Variants in DTNA observed in about 807,000 individuals in gnomAD.
The protein encoded by DTNA is dystrobrevin alpha.
A neutral mutation model predicts 100.7 loss-of-function variants in DTNA; 43 were observed. That is an observed-to-expected ratio of 0.43 (90% CI 0.33 to 0.55). The LOEUF (loss-of-function observed/expected upper bound fraction) is 0.55. DTNA is among the 20% of genes least tolerant of loss of function. The pLI, the probability that DTNA is intolerant of heterozygous loss-of-function variation, is 0.04. For synonymous variants in DTNA, 349 were observed against 347.9 expected (o/e 1.00, Z -0.04); for missense variants, 798 against 953.9 (o/e 0.84, Z 2.15).
intron 1 of DTNA, among the ~76,000 whole-genome samples, chr18:34,640,234 C>T (rs1214343175): frequency 1.3e-5 from 2 of 152,198 alleles, no homozygotes; most frequent in Non-Finnish European, 2.9e-5. Flanking sequence ...CCTCTCTCAG[C>T]AACAGCTATG....
chr18:34,855,068 T>A (rs1327214096), intron 15 of DTNA, among the ~76,000 whole-genome samples: 1 of 152,184 alleles, frequency 6.6e-6, no homozygotes, highest in African/African-American at 2.4e-5. Flanking sequence ...GGTGAGTTTT[T>A]AGGACATTTC....
chr18:34,682,260 C>T (rs997311945), intron 1 of DTNA, among the ~76,000 whole-genome samples: 4 of 152,172 alleles, frequency 2.6e-5, no homozygotes, highest in African/African-American at 7.2e-5. Context: ...CTGCTATAAA[C>T]ATCATATGTA....
intron 1 of DTNA, among the ~76,000 whole-genome samples, chr18:34,599,827 G>A (rs541329200): frequency 4.6e-5 from 7 of 152,118 alleles, no homozygotes; most frequent in South Asian, 2.1e-4. Context: ...ACAGGCACCC[G>A]CCACCACGCC....
intron 1 of DTNA, among the ~76,000 whole-genome samples, chr18:34,611,852 T>A (rs2054271371): frequency 6.6e-6 from 1 of 152,202 alleles, no homozygotes; most frequent in Non-Finnish European, 1.5e-5. Flanking sequence ...AAGACTCCGC[T>A]GGCAGAGGGG....
chr18:34,698,523 C>G (rs185942505), intron 1 of DTNA, among the ~76,000 whole-genome samples: 98 of 152,290 alleles, frequency 6.4e-4, no homozygotes, highest in Admixed American at 1.1e-3. Flanking sequence ...ACATTCTCTC[C>G]TCTTCTTATA....
chr18:34,604,076 G>A (rs766162236), intron 1 of DTNA, among the ~76,000 whole-genome samples: 4 of 152,104 alleles, frequency 2.6e-5, no homozygotes, highest in Non-Finnish European at 5.9e-5. Context: ...TTAAAATGAA[G>A]CAATTGTTCC....
chr18:34,731,796 T>G (rs988304601), intron 1 of DTNA, among the ~76,000 whole-genome samples: 3 of 152,242 alleles, frequency 2.0e-5, no homozygotes, highest in Non-Finnish European at 4.4e-5. Context: ...AACTCTTTAT[T>G]GTATTAATGA....
chr18:34,513,499 T>C (rs766185094), intron 1 of DTNA: 1 of 152,176 alleles, frequency 6.6e-6, no homozygotes, highest in Non-Finnish European at 1.5e-5. Flanking sequence ...AATGATTTGC[T>C]CTAAATTCTC....
At chr18:34,681,727 CA>C (rs2078147823) in intron 1 of DTNA, among the ~76,000 whole-genome samples, 15 of 150,068 alleles carry the variant, frequency 1.0e-4, no homozygotes, top group East Asian at 3.9e-4. Context: ...CACACACACA[CA>C]CACCCCACAC....
chr18:34,695,686 T>C (rs931695456), intron 1 of DTNA, among the ~76,000 whole-genome samples: 2 of 152,188 alleles, frequency 1.3e-5, no homozygotes, highest in Non-Finnish European at 2.9e-5. Context: ...AATTAGCGTT[T>C]AACATAATGT....
In DTNA at chr18:34,851,244, G is replaced by GGT. The variant is rs1373987732; in HGVS notation, c.1435-581_1435-580dup. 2.6e-5 allele frequency among the ~76,000 whole-genome samples: 4 copies of GGT among 152,132 alleles called. No homozygotes were observed. In the East Asian group the frequency reaches 7.7e-4, roughly 29 times the overall value. On this transcript the variant is annotated intron_variant, in intron 14 of 22. Transcript: ENST00000444659. ...AGCCCCCCTAGTAGCTGGTATTACAGGTGTGTGCCACCAGGCCCAACTAAT... is the reference window on the plus strand; with the variant it reads ...AGCCCCCCTAGTAGCTGGTATTACAGGTGTGTGTGCCACCAGGCCCAACTAAT...
chr18:34,546,773 TATCTC>T (rs574094319), intron 1 of DTNA, among the ~76,000 whole-genome samples: 2,296 of 151,976 alleles, frequency 0.015, 52 homozygotes, highest in African/African-American at 0.053. Context: ...CTTTTTTTTT[TATCTC>T]AGCTCACTGC....
At chr18:34,764,926 G>T (rs4799780) in intron 2 of DTNA, among the ~76,000 whole-genome samples, 1 of 152,002 alleles carries the variant, frequency 6.6e-6, no homozygotes, top group Non-Finnish European at 1.5e-5. Flanking sequence ...TTTATTGATA[G>T]TCTAATGTGT....
chr18:34,550,966 A>G (rs1249127223), intron 1 of DTNA, among the ~76,000 whole-genome samples: 1 of 152,158 alleles, frequency 6.6e-6, no homozygotes, highest in African/African-American at 2.4e-5. Context: ...GCATTGTTCA[A>G]TAGAGCCCCT....
At chr18:34,853,243 T>C (rs981764035) in intron 15 of DTNA, among the ~76,000 whole-genome samples, 2 of 152,202 alleles carry the variant, frequency 1.3e-5, no homozygotes, top group African/African-American at 4.8e-5. Context: ...TAACACATTC[T>C]AGTAATATAT....
At chr18:34,806,582 T>A (rs1201461627) in intron 5 of DTNA, among the ~76,000 whole-genome samples, 1 of 152,176 alleles carries the variant, frequency 6.6e-6, no homozygotes, top group Non-Finnish European at 1.5e-5. Flanking sequence ...CTCTTTGCAG[T>A]TAATTGTGTT....
At chr18:34,727,955 G>A (rs533449724) in intron 1 of DTNA, among the ~76,000 whole-genome samples, 419 of 152,206 alleles carry the variant, frequency 2.8e-3, no homozygotes, top group Non-Finnish European at 4.9e-3. Context: ...AAGAGGGAGG[G>A]GGGGAAAAGG....
intron 1 of DTNA, among the ~76,000 whole-genome samples, chr18:34,617,859 TTTGTGTGATCCTTTCA>T (rs1454672054): frequency 2.0e-5 from 3 of 152,206 alleles, no homozygotes; most frequent in Non-Finnish European, 2.9e-5. Flanking sequence ...AGCCAGAAAC[TTTGTGTGATCCTTTCA>T]TTGTGATATT....
intron 3 of DTNA, among the ~76,000 whole-genome samples, chr18:34,778,352 A>C (rs2094156682): frequency 6.6e-6 from 1 of 152,222 alleles, no homozygotes; most frequent in African/African-American, 2.4e-5. Flanking sequence ...ATTAAGTGCA[A>C]TGTAGAGTGG....
Sources: gnomAD v4.1 joint callset for allele counts (sites outside exome capture counted in the v4.1 genomes callset) on GRCh38, gnomAD v4.1.1 for gene constraint, MANE v1.5 for transcripts, NCBI Gene and HGNC (gene_info 2026-07-23, HGNC 2026-07-21) for gene names.